The following MGAM variants were observed in gnomAD, a reference collection of about 807,000 sequenced individuals.
The protein encoded by MGAM is maltase-glucoamylase, also known as alpha-1,4-glucosidase.
MGAM carries 253 observed loss-of-function variants against 358.8 expected under a neutral mutation model. The observed-to-expected ratio is 0.71, with a 90% CI of 0.64 to 0.78. The LOEUF is 0.78. Among genes scored for constraint, MGAM ranks in the 30% least tolerant of loss-of-function variants. The pLI, the probability that MGAM is intolerant of heterozygous loss-of-function variation, is 0.00. For synonymous variants in MGAM, 1,105 were observed against 1,227.1 expected (o/e 0.90, Z 2.08); for missense variants, 3,080 against 3,432.6 (o/e 0.90, Z 2.57).
chr7:141,999,669 T>C (rs1397908099), intron 1 of MGAM, among the ~76,000 whole-genome samples: 1 of 152,236 alleles, frequency 6.6e-6, no homozygotes, highest in Non-Finnish European at 1.5e-5. Context: ...TGCATAGTTA[T>C]ATATTTGTCC....
intron 52 of MGAM, among the ~76,000 whole-genome samples, chr7:142,082,873 A>G (rs1455228625): frequency 1.4e-5 from 2 of 145,716 alleles, no homozygotes; most frequent in Admixed American, 6.9e-5. Flanking sequence ...AATTAGGGTA[A>G]AACTATGGGT....
At chr7:142,100,766 A>G (rs1339061776) in intron 67 of MGAM, 36 bp from the exon 68 acceptor site, 7 of 1,574,634 alleles carry the variant, frequency 4.4e-6, no homozygotes, top group East Asian at 4.5e-5. Flanking sequence ...CTGTGGCTTT[A>G]CTTTTAGCTA....
chr7:142,098,715 T>C (rs985398995), intron 66 of MGAM, among the ~76,000 whole-genome samples: 11 of 152,156 alleles, frequency 7.2e-5, no homozygotes, highest in African/African-American at 2.7e-4. Flanking sequence ...CAGCTTTCTT[T>C]ACGTGAGACT....
At chr7:142,046,525 A>G (rs144746067) in intron 21 of MGAM, among the ~76,000 whole-genome samples, 9 of 152,116 alleles carry the variant, frequency 5.9e-5, no homozygotes, top group African/African-American at 2.2e-4. Flanking sequence ...CACATTCTCT[A>G]CCTTGGATCA....
chr7:142,063,193 T>C (rs979308515), intron 35 of MGAM, among the ~76,000 whole-genome samples: 32 of 146,346 alleles, frequency 2.2e-4, no homozygotes, highest in African/African-American at 7.4e-4. Context: ...CATAACTCCA[T>C]CTCAAAGAAT....
chr7:142,102,814 G>C, intron 69 of MGAM, 135 bp downstream of exon 69: 1 of 885,918 alleles, frequency 1.1e-6, no homozygotes, highest in Non-Finnish European at 1.7e-6. Context: ...TACTTCTCTA[G>C]ACTTCCGGTG....
In MGAM at chr7:142,094,446, T is replaced by C; in HGVS notation, c.7255T>C (p.Trp2419Arg). 6.5e-7 allele frequency: 1 copy of C among 1,534,652 alleles called. No homozygotes were observed. Among genetic ancestry groups the C allele is most frequent in the South Asian group, 1.2e-5 (1 of 86,304 alleles). ...FPSSGRWAGH[W>R]LGDNTAAWDQ... ...CTCTTCTGGCCGCTGGGCAGGACATTGGCTGGGAGACAACACAGCCGCGTG... is the reference window on the plus strand; with the variant it reads ...CTCTTCTGGCCGCTGGGCAGGACATCGGCTGGGAGACAACACAGCCGCGTG... The change falls in exon 61 of 71, where the codon TGG becomes CGG. Residue 2419 changes from tryptophan to arginine, a missense_variant. Physicochemically the swap from Trp to Arg is moderately radical, Grantham distance 101 (BLOSUM62 -3). This residue lies in a region of MGAM where 932 missense variants were observed against 1,198.2 expected (regional missense o/e 0.78). Transcript: ENST00000475668.
At chr7:142,099,303 A>G (rs2129064969) in intron 66 of MGAM, among the ~76,000 whole-genome samples, 1 of 152,292 alleles carries the variant, frequency 6.6e-6, no homozygotes, top group South Asian at 2.1e-4. Context: ...AGTTGAGAAC[A>G]TGTAGGATGG....
In MGAM at chr7:142,052,431, T is replaced by G; in HGVS notation, c.2943T>G (p.Arg981=). ...NGASAENCTA[R]GCIWEASNSS... ...CTTCTGCCGAAAACTGCACTGCCCGTGGCTGTATCTGGGAGGTAACCATGC... is the reference window on the plus strand; with the variant it reads ...CTTCTGCCGAAAACTGCACTGCCCGGGGCTGTATCTGGGAGGTAACCATGC... The change falls in exon 25 of 71, where the codon CGT becomes CGG. Residue 981 remains arginine, a synonymous_variant. Coordinates refer to ENST00000475668, the MANE Select transcript of MGAM (RefSeq NM_001365693.1). The G allele has an allele frequency of 6.2e-7, 1 of 1,613,442 alleles. No homozygotes were observed. Among genetic ancestry groups the G allele is most frequent in the Non-Finnish European group, 8.5e-7 (1 of 1,179,734 alleles).
At chr7:142,036,430 A>G (rs1404510693) in intron 17 of MGAM, 145 bp downstream of exon 17, 1 of 676,046 alleles carries the variant, frequency 1.5e-6, no homozygotes, top group African/African-American at 1.8e-5. Flanking sequence ...GCAATTAACC[A>G]GAATCTGTGC....
At chr7:142,035,549 T>C (rs1239969966) in intron 16 of MGAM, among the ~76,000 whole-genome samples, 1 of 152,162 alleles carries the variant, frequency 6.6e-6, no homozygotes, top group African/African-American at 2.4e-5. Flanking sequence ...GAGATTAACC[T>C]TGAAAAGTGA....
At chr7:142,032,725 T>C (rs1554464247) in intron 13 of MGAM, 100 bp from the exon 14 acceptor site, 2 of 703,074 alleles carry the variant, frequency 2.8e-6, no homozygotes, top group South Asian at 2.0e-5. Context: ...CTTTAAAATA[T>C]CTGGAATAAT....
chr7:142,017,583 C>A (rs1806064409), intron 3 of MGAM, among the ~76,000 whole-genome samples: 1 of 152,132 alleles, frequency 6.6e-6, no homozygotes, highest in Non-Finnish European at 1.5e-5. Flanking sequence ...TATACAAAAA[C>A]CATCATGCTT....
Position 142,059,461 on chromosome 7 carries a change from T to C in MGAM, c.3820-11T>C. The C allele has an allele frequency of 1.2e-6, 2 of 1,604,366 alleles. No homozygotes were observed. The highest frequency in any genetic ancestry group is 2.2e-5 in the South Asian group (2 of 90,176). ...AGCAGCAGCCTCTCAGCTCCCCATG[T>C]CCTCCCGCAGGATGTGCAGTACTCA... On this transcript the variant is annotated splice_polypyrimidine_tract_variant and intron_variant, in intron 31 of 70. Transcript: ENST00000475668.
chr7:142,022,847 AC>A (rs2128996999), intron 7 of MGAM, among the ~76,000 whole-genome samples: 1 of 152,314 alleles, frequency 6.6e-6, no homozygotes, highest in Non-Finnish European at 1.5e-5. Flanking sequence ...ACCTTTAATC[AC>A]TGACTCACCA....
chr7:141,987,252 G>A (rs1327347459), intron 2 of MGAM, among the ~76,000 whole-genome samples: 2 of 152,160 alleles, frequency 1.3e-5, no homozygotes, highest in African/African-American at 4.8e-5. Flanking sequence ...GAAATGAAAA[G>A]AATACTGGCA....
Position 142,094,513 on chromosome 7 carries a change from C to T in MGAM, c.7306+16C>T, listed in dbSNP as rs1193239867. ...TCTATCATTGGTGCGTGGGTCCTTC[C>T]CAGGGCCTGTGCCGGTAGGGCAGGG... On this transcript the variant is annotated intron_variant, in intron 61 of 70. Coordinates refer to ENST00000475668, the MANE Select transcript of MGAM (RefSeq NM_001365693.1). 1 of 1,551,562 alleles carries T rather than the reference C, an allele frequency of 6.4e-7. No homozygotes were observed. The highest frequency in any genetic ancestry group is 8.8e-7 in the Non-Finnish European group (1 of 1,129,964).
At position 142,085,899 on chromosome 7, in the gene MGAM, G is replaced by T. The variant is rs756442540; in HGVS notation, c.6574G>T (p.Ala2192Ser). 3 of 1,566,318 alleles carry T rather than the reference G, an allele frequency of 1.9e-6. No homozygotes were observed. The highest frequency in any genetic ancestry group is 2.6e-6 in the Non-Finnish European group (3 of 1,141,460). Residue 2192 changes from alanine to serine, a missense_variant, in exon 55 of 71, where the codon GCC becomes TCC. Transcript: ENST00000475668. ...GGACTTCACCCTCAGCCCCAAGTTT[G>T]CCGGGTTTCCAGCTCTGATCAATCG... ...QLDFTLSPKF[A>S]GFPALINRMK...
chr7:142,029,031 G>A (rs1208373616), intron 10 of MGAM, among the ~76,000 whole-genome samples: 5 of 152,062 alleles, frequency 3.3e-5, no homozygotes, highest in African/African-American at 1.2e-4. Flanking sequence ...GCCTTCTTTA[G>A]TTATCTCAGC....
Sources: gnomAD v4.1 joint callset for allele counts (sites outside exome capture counted in the v4.1 genomes callset) on GRCh38, gnomAD v4.1.1 for gene constraint, gnomAD v4.1.1 regional missense constraint, MANE v1.5 for transcripts, NCBI Gene and HGNC (gene_info 2026-07-23, HGNC 2026-07-21) for gene names.